RICTOR: variants seen among roughly 807,000 people sequenced by gnomAD.
RICTOR encodes RPTOR independent companion of MTOR complex 2.
Under a neutral mutation model 214.9 loss-of-function variants are expected in RICTOR, and 49 were observed. The observed-to-expected ratio is 0.23, with a 90% CI of 0.18 to 0.29. The LOEUF (loss-of-function observed/expected upper bound fraction) is 0.29. Among genes scored for constraint, RICTOR ranks in the 10% least tolerant of loss-of-function variants. The pLI is 1.00. For missense variants in RICTOR, 1,625 were observed against 2,047.0 expected (o/e 0.79, Z 3.98); for synonymous variants, 717 against 711.3 (o/e 1.01, Z -0.13).
At chr5:39,041,172 G>A (rs1414183895) in intron 2 of RICTOR, among the ~76,000 whole-genome samples, 3 of 152,172 alleles carry the variant, frequency 2.0e-5, no homozygotes, top group Admixed American at 2.0e-4. Context: ...TGCTTAACAC[G>A]AGTTTATTCT....
rs548095028 is a variant in RICTOR, at chr5:39,065,375, T to C, written c.97+8736A>G. Among the ~76,000 whole-genome samples, 9 of 152,260 alleles carry C rather than the reference T, an allele frequency of 5.9e-5. 1 individual carries two copies. In the South Asian group the frequency reaches 1.9e-3, roughly 32 times the overall value. On this transcript the variant is annotated intron_variant, in intron 2 of 37. Coordinates refer to ENST00000357387, the MANE Select transcript of RICTOR (RefSeq NM_152756.5). ...CCCATGACCCAAACACCTCCCACCA[T>C]GCCCCATCTCCAGCATTGGAGATTA...
chr5:38,972,271 C>T (rs139421744), intron 10 of RICTOR, among the ~76,000 whole-genome samples: 4 of 152,296 alleles, frequency 2.6e-5, no homozygotes, highest in African/African-American at 9.6e-5. Context: ...GGAGAAAAAT[C>T]AGACAATGGT....
intron 2 of RICTOR, among the ~76,000 whole-genome samples, chr5:39,024,191 C>T (rs541906465): frequency 4.1e-4 from 62 of 152,304 alleles, no homozygotes; most frequent in African/African-American, 1.4e-3. Context: ...CCGGCAGTAA[C>T]GCTCACTCCC....
intron 2 of RICTOR, among the ~76,000 whole-genome samples, chr5:39,041,222 A>T (rs1757142236): frequency 6.6e-6 from 1 of 152,234 alleles, no homozygotes; most frequent in Non-Finnish European, 1.5e-5. Flanking sequence ...ATAAAATGTG[A>T]AGAGCAATAT....
chr5:39,070,426 G>A (rs970594954), intron 2 of RICTOR, among the ~76,000 whole-genome samples: 3 of 151,958 alleles, frequency 2.0e-5, no homozygotes, highest in African/African-American at 4.8e-5. Flanking sequence ...CCGAGATTGC[G>A]CCACTGCAGT....
chr5:38,997,797 G>A (rs148420328), intron 5 of RICTOR, among the ~76,000 whole-genome samples: 4 of 152,288 alleles, frequency 2.6e-5, no homozygotes, highest in Non-Finnish European at 5.9e-5. Context: ...TGGTCTTACG[G>A]GCAGAGTCCT....
At chr5:39,062,084 C>T (rs921242831) in intron 2 of RICTOR, among the ~76,000 whole-genome samples, 3 of 152,002 alleles carry the variant, frequency 2.0e-5, no homozygotes, top group African/African-American at 7.2e-5. Flanking sequence ...ATCTGACCTG[C>T]TTTCTACTGT....
rs187795808 is a variant in RICTOR, at chr5:39,017,948, G to A, written c.195+3091C>T. 3.7e-3 allele frequency among the ~76,000 whole-genome samples: 570 copies of A among 152,194 alleles called. 5 individuals carry two copies. The highest frequency in any genetic ancestry group is 0.013 in the African/African-American group (544 of 41,528). On this transcript the variant is annotated intron_variant, in intron 3 of 37. Coordinates refer to ENST00000357387, the MANE Select transcript of RICTOR (RefSeq NM_152756.5). ...TGCATTTTCAAACAAGCTTCAAGGCGATACCAATACTGATGAACTGTGGAT... is the reference window on the plus strand; with the variant it reads ...TGCATTTTCAAACAAGCTTCAAGGCAATACCAATACTGATGAACTGTGGAT...
At chr5:38,966,535 C>T (rs1750239264) in intron 15 of RICTOR, 106 bp downstream of exon 15, 1 of 671,118 alleles carries the variant, frequency 1.5e-6, no homozygotes, top group Admixed American at 3.1e-5. Flanking sequence ...ATAAGAAATG[C>T]AAATTTATTT....
At chr5:38,984,095 C>T (rs1382160015) in intron 7 of RICTOR, among the ~76,000 whole-genome samples, 2 of 151,714 alleles carry the variant, frequency 1.3e-5, no homozygotes, top group Non-Finnish European at 2.9e-5. Context: ...TTTTTTGGAG[C>T]AATTATTTTA....
At chr5:39,001,468 T>TA (rs1249312656) in intron 5 of RICTOR, among the ~76,000 whole-genome samples, 1 of 152,050 alleles carries the variant, frequency 6.6e-6, no homozygotes, top group African/African-American at 2.4e-5. Context: ...TTCAAAGACT[T>TA]AAACACGTAT....
chr5:38,975,725 T>C, intron 9 of RICTOR, 121 bp from the exon 10 acceptor site: 1 of 539,972 alleles, frequency 1.9e-6, no homozygotes, highest in Non-Finnish European at 3.1e-6. Context: ...CACATAAAAT[T>C]AAAACAAGAC....
At chr5:39,003,020 T>C (rs1422875979) in intron 4 of RICTOR, among the ~76,000 whole-genome samples, 1 of 152,154 alleles carries the variant, frequency 6.6e-6, no homozygotes. Flanking sequence ...TACAATCGAA[T>C]ATCCTCTCTC....
At chr5:38,991,579 T>G (rs1172814334) in intron 6 of RICTOR, among the ~76,000 whole-genome samples, 1 of 152,042 alleles carries the variant, frequency 6.6e-6, no homozygotes, top group Non-Finnish European at 1.5e-5. Flanking sequence ...CTCTGACTAC[T>G]GCAATAGATA....
chr5:38,949,217 A>C, intron 31 of RICTOR: 1 of 510,678 alleles, frequency 2.0e-6, no homozygotes, highest in Non-Finnish European at 3.4e-6. Context: ...ATGAGGACCA[A>C]GTATTTCATT....
At chr5:39,041,174 G>A (rs1186942170) in intron 2 of RICTOR, among the ~76,000 whole-genome samples, 1 of 152,156 alleles carries the variant, frequency 6.6e-6, no homozygotes, top group African/African-American at 2.4e-5. Context: ...CTTAACACGA[G>A]TTTATTCTTG....
At chr5:38,988,267 C>T (rs1012861357) in intron 7 of RICTOR, among the ~76,000 whole-genome samples, 8 of 152,058 alleles carry the variant, frequency 5.3e-5, no homozygotes, top group African/African-American at 1.4e-4. Flanking sequence ...TTTTCTGTCT[C>T]GTCGATCTAA....
intron 2 of RICTOR, among the ~76,000 whole-genome samples, chr5:39,068,782 A>C (rs1580236520): frequency 6.6e-6 from 1 of 152,248 alleles, no homozygotes; most frequent in Non-Finnish European, 1.5e-5. Context: ...CAATACAACA[A>C]AGAGGATAAG....
rs768769354 is a variant in RICTOR, at chr5:38,949,963, C to A, written c.3885G>T (p.Thr1295=). ...VSLVPPGSSH[T]LPRRAQSLKA... ...TAAGGGACTGTGCTCTTCTAGGAAGCGTATGAGAAGAACCTGGAGGCACCA... is the reference window on the plus strand; with the variant it reads ...TAAGGGACTGTGCTCTTCTAGGAAGAGTATGAGAAGAACCTGGAGGCACCA... Residue 1295 remains threonine (T), a synonymous_variant, in exon 31 of 38, where the codon ACG becomes ACT. Coordinates refer to ENST00000357387, the MANE Select transcript of RICTOR (RefSeq NM_152756.5). The A allele has an allele frequency of 6.2e-7, 1 of 1,613,400 alleles. No homozygotes were observed. The highest frequency in any genetic ancestry group is 1.1e-5 in the South Asian group (1 of 91,060).
Sources: gnomAD v4.1 joint callset for allele counts (sites outside exome capture counted in the v4.1 genomes callset) on GRCh38, gnomAD v4.1.1 for gene constraint, MANE v1.5 for transcripts, NCBI Gene and HGNC (gene_info 2026-07-23, HGNC 2026-07-21) for gene names.